The following PPP6C variants were observed in gnomAD, a reference collection of about 807,000 sequenced individuals.
PPP6C encodes the protein serine/threonine-protein phosphatase 6 catalytic subunit.
A neutral mutation model predicts 39.8 loss-of-function variants in PPP6C; 11 were observed. The observed-to-expected ratio is 0.28, with a 90% CI of 0.17 to 0.46. The LOEUF is 0.46. Ranked by LOEUF, PPP6C falls within the 20% of genes least tolerant of loss-of-function variation. The pLI is 1.00. For synonymous variants in PPP6C, 129 were observed against 130.3 expected (o/e 0.99, Z 0.07); for missense variants, 211 against 373.9 (o/e 0.56, Z 3.59).
chr9:125,162,454 T>C (rs575139592), intron 2 of PPP6C, among the ~76,000 whole-genome samples: 94 of 84,196 alleles, frequency 1.1e-3, no homozygotes, highest in Middle Eastern at 9.3e-3. Context: ...CAAGATTCTG[T>C]CTCAAAAAAA....
chr9:125,169,119 T>C (rs1415056538), intron 2 of PPP6C, among the ~76,000 whole-genome samples: 1 of 152,170 alleles, frequency 6.6e-6, no homozygotes, highest in Non-Finnish European at 1.5e-5. Flanking sequence ...GTGGTGGTCT[T>C]AAAATAACAT....
chr9:125,165,096 C>G (rs1278222054), intron 2 of PPP6C, among the ~76,000 whole-genome samples: 3 of 151,884 alleles, frequency 2.0e-5, no homozygotes, highest in South Asian at 2.1e-4. Flanking sequence ...CCCAGTAGTT[C>G]TCAAACTTTT....
At chr9:125,151,506 A>G in intron 6 of PPP6C, 2 of 794,580 alleles carry the variant, frequency 2.5e-6, no homozygotes, top group East Asian at 2.4e-5. Context: ...CAGGTGATCA[A>G]CATCTCTATG....
chr9:125,172,720 AACACAC>A (rs72238242), intron 1 of PPP6C, among the ~76,000 whole-genome samples: 7,877 of 144,698 alleles, frequency 0.054, 571 homozygotes, highest in African/African-American at 0.17. Flanking sequence ...AATACACACA[AACACAC>A]ACACACACAC....
At chr9:125,171,886 T>C (rs1195482742) in intron 1 of PPP6C, 1 of 461,534 alleles carries the variant, frequency 2.2e-6, no homozygotes, top group African/African-American at 2.0e-5. Flanking sequence ...ATTTAAAAAA[T>C]AAATTGCAAA....
At chr9:125,169,855 T>A (rs941784039) in intron 2 of PPP6C, among the ~76,000 whole-genome samples, 2 of 152,202 alleles carry the variant, frequency 1.3e-5, no homozygotes, top group Non-Finnish European at 2.9e-5. Context: ...CAGATTTTTT[T>A]ATAATCTAAA....
chr9:125,172,283 T>C (rs921239700), intron 1 of PPP6C, among the ~76,000 whole-genome samples: 2 of 152,092 alleles, frequency 1.3e-5, no homozygotes, highest in African/African-American at 4.8e-5. Context: ...AGTAGCACAA[T>C]TTCAGTTCAC....
At chr9:125,176,919 G>A (rs185126814) in intron 1 of PPP6C, among the ~76,000 whole-genome samples, 26 of 152,236 alleles carry the variant, frequency 1.7e-4, no homozygotes, top group East Asian at 1.9e-4. Context: ...CAAGGATGAC[G>A]CGGGATTTCT....
chr9:125,166,262 C>A (rs555826329), intron 2 of PPP6C, among the ~76,000 whole-genome samples: 3 of 152,124 alleles, frequency 2.0e-5, no homozygotes, highest in Non-Finnish European at 4.4e-5. Context: ...TTTTAAGTGT[C>A]GGAAACTGTT....
At chr9:125,185,206 A>G (rs1829500253) in intron 1 of PPP6C, among the ~76,000 whole-genome samples, 1 of 151,960 alleles carries the variant, frequency 6.6e-6, no homozygotes, top group African/African-American at 2.4e-5. Context: ...AGCTCTTTAT[A>G]AGAAAGGTTA....
intron 1 of PPP6C, among the ~76,000 whole-genome samples, chr9:125,186,174 GCCT>G (rs1829526744): frequency 6.6e-6 from 1 of 151,918 alleles, no homozygotes; most frequent in African/African-American, 2.4e-5. Context: ...TCATTAAGTG[GCCT>G]CAATGATTAC....
At chr9:125,164,235 T>C (rs2131316395) in intron 2 of PPP6C, among the ~76,000 whole-genome samples, 1 of 140,648 alleles carries the variant, frequency 7.1e-6, no homozygotes, top group Admixed American at 7.1e-5. Context: ...TTTTTTTTTT[T>C]TTTTTTTTTG....
In PPP6C at chr9:125,149,041, A is replaced by G. The variant is rs1020153166; in HGVS notation, c.*632T>C. On this transcript the variant is annotated 3_prime_UTR_variant, in exon 7 of 7. Coordinates refer to ENST00000373547, the MANE Select transcript of PPP6C (RefSeq NM_002721.5). ...TTATTAAAAAATACAAGGAATCTGA[A>G]AAAAGATCAATACAATTATCTTAAA... is the stretch of plus-strand genomic sequence containing the variant. The G allele has an allele frequency of 1.3e-5, 2 of 152,250 alleles. No individual in the cohort carries two copies. Among genetic ancestry groups the G allele is most frequent in the Non-Finnish European group, 2.9e-5 (2 of 68,046 alleles). The allele number at this position is 152,250 out of a possible 1,614,324, so 9.4% of individuals were successfully genotyped here.
At chr9:125,184,858 T>C (rs913694124) in intron 1 of PPP6C, among the ~76,000 whole-genome samples, 1 of 150,640 alleles carries the variant, frequency 6.6e-6, no homozygotes. Context: ...AGTGCGCACC[T>C]GTAATCCCAG....
rs1398339560 is a variant in PPP6C, at chr9:125,147,604, G to T, written c.*2069C>A. ...AGAGATGGCAGATAAGGAATGGAGA[G>T]AATATTATTGGCACGTGCCCAACTA... On this transcript the variant is annotated 3_prime_UTR_variant, in exon 7 of 7. Coordinates refer to ENST00000373547, the MANE Select transcript of PPP6C (RefSeq NM_002721.5). 1 of 152,172 alleles carries T rather than the reference G, an allele frequency of 6.6e-6. No individual in the cohort carries two copies. Among genetic ancestry groups the T allele is most frequent in the South Asian group, 2.1e-4 (1 of 4,830 alleles). 9.4% of individuals were successfully genotyped at this position (152,172 alleles called of 1,614,324 possible).
At chr9:125,169,567 G>C (rs1307338423) in intron 2 of PPP6C, among the ~76,000 whole-genome samples, 3 of 151,574 alleles carry the variant, frequency 2.0e-5, no homozygotes, top group Admixed American at 6.6e-5. Flanking sequence ...CTTTATGTTA[G>C]CAAAATACAA....
chr9:125,148,951 G>A lies in PPP6C; in HGVS notation c.*722C>T, dbSNP rs556294784. 1.1e-4 allele frequency: 17 copies of A among 152,148 alleles called. No individual in the cohort carries two copies. Among genetic ancestry groups the A allele is most frequent in the Admixed American group, 2.0e-4 (3 of 15,258 alleles). 9.4% of individuals were successfully genotyped at this position (152,148 alleles called of 1,614,324 possible). The stretch of plus-strand genomic sequence containing the variant: ...AGGAAAAAAGAAAAGATAACTTTAC[G>A]CTAACAATGTAAGCTGTTTAAAATT... On this transcript the variant is annotated 3_prime_UTR_variant, in exon 7 of 7. Transcript: ENST00000373547.
intron 2 of PPP6C, among the ~76,000 whole-genome samples, chr9:125,165,961 T>C (rs1485175575): frequency 6.6e-6 from 1 of 151,836 alleles, no homozygotes; most frequent in Non-Finnish European, 1.5e-5. Flanking sequence ...CACACCTGGC[T>C]AATTTTTGTA....
intron 3 of PPP6C, 96 bp from the exon 4 acceptor site, chr9:125,158,478 A>G (rs1010495992): frequency 2.4e-6 from 3 of 1,225,910 alleles, no homozygotes; most frequent in African/African-American, 1.5e-5. Flanking sequence ...TTATAACTAC[A>G]ATAAAGAGTT....
Sources: allele counts gnomAD v4.1 joint callset (sites outside exome capture counted in the v4.1 genomes callset), GRCh38; gene constraint gnomAD v4.1.1; transcripts MANE v1.5; gene names NCBI Gene and HGNC (gene_info 2026-07-23, HGNC 2026-07-21).